The following ELP1 variants were observed in gnomAD, a reference collection of about 807,000 sequenced individuals.
ELP1 encodes the protein elongator acetyltransferase complex subunit 1.
A neutral mutation model predicts 183.2 loss-of-function variants in ELP1; 131 were observed. That is an observed-to-expected ratio of 0.72 (90% CI 0.62 to 0.83). The LOEUF (loss-of-function observed/expected upper bound fraction) is 0.83. ELP1 is among the 40% of genes least tolerant of loss of function. The pLI is 0.00. For synonymous variants in ELP1, 555 were observed against 569.0 expected (o/e 0.98, Z 0.35); for missense variants, 1,550 against 1,594.9 (o/e 0.97, Z 0.48).
At chr9:108,896,818 C>A in intron 24 of ELP1, 135 bp downstream of exon 24, 1 of 1,064,516 alleles carries the variant, frequency 9.4e-7, no homozygotes, top group Admixed American at 1.8e-5. Context: ...AAAAAACTGA[C>A]AAGGGTCTTA....
intron 36 of ELP1, among the ~76,000 whole-genome samples, chr9:108,872,720 G>GC (rs956380486): frequency 1.4e-5 from 2 of 144,056 alleles, no homozygotes; most frequent in Non-Finnish European, 3.0e-5. Context: ...CAGGAGAATG[G>GC]CGTGAACCCG....
At chr9:108,872,754 G>A (rs572025875) in intron 36 of ELP1, among the ~76,000 whole-genome samples, 4 of 129,750 alleles carry the variant, frequency 3.1e-5, no homozygotes, top group South Asian at 2.6e-4. Context: ...GCAGTGAGCC[G>A]AGATTGCGCC....
intron 23 of ELP1, 47 bp downstream of exon 23, chr9:108,897,101 C>T (rs139845387): frequency 5.0e-6 from 8 of 1,613,932 alleles, no homozygotes; most frequent in Non-Finnish European, 6.8e-6. Context: ...AGGACAACTA[C>T]ACACTTCGGT....
rs138076464 is a variant in ELP1 at position 108,899,867 on chromosome 9, T to A, written c.2159A>T (p.His720Leu). The part of the protein sequence containing the change: ...QMPRGNLEVV[H>L]HRALVLAQIR... ...CTGAGCTAAAACCAGGGCTCGATGATGAACAACTTCTAAGTTTCCCCTTGG... is the reference window on the plus strand; with the variant it reads ...CTGAGCTAAAACCAGGGCTCGATGAAGAACAACTTCTAAGTTTCCCCTTGG... The change falls in exon 20 of 37, where the codon CAT (histidine) becomes CTT (leucine). Residue 720 changes from histidine (H) to leucine (L), a missense_variant. Physicochemically the swap from His to Leu is moderately conservative, Grantham distance 99. Transcript: ENST00000374647. The A allele has an allele frequency of 6.2e-7, 1 of 1,614,162 alleles. No homozygotes were observed. The highest frequency in any genetic ancestry group is 2.2e-5 in the East Asian group (1 of 44,874).
At chr9:108,872,824 A>AG in intron 36 of ELP1, among the ~76,000 whole-genome samples, 2 of 133,860 alleles carry the variant, frequency 1.5e-5, no homozygotes, top group African/African-American at 5.1e-5. Flanking sequence ...AAAAAAAAAA[A>AG]AAAAAAAAAA....
chr9:108,922,752 G>C, intron 6 of ELP1, 90 bp downstream of exon 6: 2 of 885,656 alleles, frequency 2.3e-6, no homozygotes, highest in Non-Finnish European at 3.9e-6. Context: ...GTTCATTACT[G>C]GCATCTAAGT....
In ELP1 at chr9:108,869,367, C is replaced by T. The variant is rs3763644; in HGVS notation, c.3932-185G>A. On this transcript the variant is annotated intron_variant, in intron 36 of 36. Transcript: ENST00000374647. ...CAGAGCAAACACAACCTGGAGGCCC[C>T]GCCCTGAGAGGAGGGACTGCATTTC... 0.62 allele frequency among the ~76,000 whole-genome samples: 94,608 copies of T among 151,948 alleles called. 31,428 individuals are homozygous for T. The highest frequency in any genetic ancestry group is 0.88 in the African/African-American group (36,469 of 41,472).
chr9:108,879,251 G>A (rs1438471331), intron 33 of ELP1, among the ~76,000 whole-genome samples, 195 bp downstream of exon 33: 2 of 152,192 alleles, frequency 1.3e-5, no homozygotes, highest in Non-Finnish European at 2.9e-5. Context: ...CCACAAGGCT[G>A]AGGAAGAAAA....
At position 108,882,097 on chromosome 9, in the gene ELP1, A is replaced by T. The variant is rs1827950773; in HGVS notation, c.3285+28T>A. The T allele has an allele frequency of 5.0e-6, 8 of 1,600,118 alleles. No individual in the cohort carries two copies. The East Asian group carries it at 1.8e-4, about 36-fold the overall frequency. ...GCTTGCTCTCTCTGCTTAGCACCCA[A>T]CATCCAGAGGATTTACAAGATTCTT... On this transcript the variant is annotated intron_variant, in intron 30 of 36. Transcript: ENST00000374647.
At chr9:108,880,815 T>A (rs754390324) in intron 31 of ELP1, among the ~76,000 whole-genome samples, 2 of 152,162 alleles carry the variant, frequency 1.3e-5, no homozygotes, top group Non-Finnish European at 2.9e-5. Flanking sequence ...CAGTACCCAG[T>A]TAGAGGTACC....
intron 35 of ELP1, chr9:108,875,553 C>A (rs1827677538): frequency 3.4e-6 from 1 of 296,382 alleles, no homozygotes; most frequent in East Asian, 1.0e-4. Context: ...CTGCACATAC[C>A]ACAACCATAC....
rs143281924 is a variant in ELP1, at chr9:108,927,535, A to T, written c.304-82T>A. ...GACTGCAACTTCAATCAAAACAATT[A>T]AAAAAACAAAACGAAAAGACATCAG... On this transcript the variant is annotated intron_variant, in intron 3 of 36. Coordinates refer to ENST00000374647, the MANE Select transcript of ELP1 (RefSeq NM_003640.5). 4.3e-4 allele frequency: 469 copies of T among 1,093,248 alleles called. 4 individuals carry two copies. The African/African-American group carries it at 6.2e-3, about 14-fold the overall frequency. The allele number at this position is 1,093,248 out of a possible 1,614,324, so 67.7% of individuals were successfully genotyped here.
At chr9:108,921,015 A>T (rs1051958635) in intron 6 of ELP1, among the ~76,000 whole-genome samples, 2 of 152,186 alleles carry the variant, frequency 1.3e-5, no homozygotes, top group African/African-American at 4.8e-5. Context: ...ACTACCATAG[A>T]TTCCTTTAAA....
At chr9:108,910,978 C>G (rs1163612756) in intron 12 of ELP1, 32 bp downstream of exon 12, 1 of 1,605,060 alleles carries the variant, frequency 6.2e-7, no homozygotes, top group South Asian at 1.1e-5. Flanking sequence ...GGACTTGATT[C>G]AGAACATCTT....
At chr9:108,906,595 T>A in intron 13 of ELP1, 110 bp from the exon 14 acceptor site, 1 of 841,378 alleles carries the variant, frequency 1.2e-6, no homozygotes, top group Non-Finnish European at 2.0e-6. Context: ...CACTCCTAAT[T>A]ATTTGGAGGG....
Position 108,911,104 on chromosome 9 carries a change from G to A in ELP1, c.1266C>T (p.His422=). ...PMCTYQLLFP[H]PVNQVTFLAH... The stretch of plus-strand genomic sequence containing the variant: ...CTAAGAATGTGACTTGATTCACAGG[G>A]TGTGGGAACAGCAGTTGGTAGGTGC... The change falls in exon 12 of 37, where the codon CAC becomes CAT. Residue 422 remains histidine (H), a synonymous_variant. Coordinates refer to ENST00000374647, the MANE Select transcript of ELP1 (RefSeq NM_003640.5). The A allele has an allele frequency of 6.2e-7, 1 of 1,614,082 alleles. No individual in the cohort carries two copies. Among genetic ancestry groups the A allele is most frequent in the South Asian group, 1.1e-5 (1 of 91,080 alleles).
intron 36 of ELP1, among the ~76,000 whole-genome samples, chr9:108,872,600 C>T (rs970827710): frequency 2.0e-4 from 30 of 151,570 alleles, no homozygotes; most frequent in Admixed American, 5.3e-4. Flanking sequence ...GTCAGGAGAT[C>T]GAGACCATCC....
At chr9:108,930,159 T>C (rs1829952175) in intron 2 of ELP1, among the ~76,000 whole-genome samples, 1 of 152,208 alleles carries the variant, frequency 6.6e-6, no homozygotes, top group Non-Finnish European at 1.5e-5. Flanking sequence ...ACAATAAGCC[T>C]GGTCTCTTTA....
chr9:108,928,081 C>G (rs747421180), intron 3 of ELP1, among the ~76,000 whole-genome samples: 9 of 152,290 alleles, frequency 5.9e-5, no homozygotes, highest in Middle Eastern at 3.4e-3. Flanking sequence ...GGATGGATAT[C>G]CTATTCTCCA....
Sources: gnomAD v4.1 joint callset for allele counts (sites outside exome capture counted in the v4.1 genomes callset) on GRCh38, gnomAD v4.1.1 for gene constraint, MANE v1.5 for transcripts, NCBI Gene and HGNC (gene_info 2026-07-23, HGNC 2026-07-21) for gene names.